The following PDLIM3 variants were observed in gnomAD, a reference collection of about 807,000 sequenced individuals.
The protein encoded by PDLIM3 is PDZ and LIM domain protein 3.
PDLIM3 carries 36 observed loss-of-function variants against 37.3 expected under a neutral mutation model. That is an observed-to-expected ratio of 0.97 (90% CI 0.74 to 1.28). PDLIM3 has a LOEUF of 1.28. Among genes scored for constraint, PDLIM3 ranks in the 50% most tolerant of loss-of-function variants. PDLIM3 has a pLI of 0.00. For synonymous variants in PDLIM3, 174 were observed against 182.4 expected (o/e 0.95, Z 0.37); for missense variants, 454 against 485.0 (o/e 0.94, Z 0.60).
intron 1 of PDLIM3, among the ~76,000 whole-genome samples, chr4:185,534,709 G>C (rs1208582116): frequency 6.6e-6 from 1 of 152,220 alleles, no homozygotes; most frequent in Non-Finnish European, 1.5e-5. Context: ...TTAGAAGTTG[G>C]TAATTCCTAA....
At position 185,535,400 on chromosome 4, in the gene PDLIM3, G is replaced by A. The variant is rs1194638169; in HGVS notation, c.35C>T (p.Pro12Leu). Residue 12 changes from proline to leucine, a missense_variant, in exon 1 of 8, where the codon CCC becomes CTC. Physicochemically the swap from Pro to Leu is moderately conservative, Grantham distance 98. Transcript: ENST00000284767. ...GCCCCCTGAGAGCCTGAAGCCCCAG[G>A]GCGCAGGGCCCGGGAGGATCACCGT... ...PQTVILPGPA[P>L]WGFRLSGGID... The A allele has an allele frequency of 6.2e-7, 1 of 1,607,522 alleles. No individual in the cohort carries two copies. Among genetic ancestry groups the A allele is most frequent in the Non-Finnish European group, 8.5e-7 (1 of 1,177,366 alleles).
chr4:185,507,794 A>G (rs2095700104), intron 5 of PDLIM3, among the ~76,000 whole-genome samples: 1 of 152,288 alleles, frequency 6.6e-6, no homozygotes, highest in South Asian at 2.1e-4. Context: ...CACAATAAAC[A>G]TTGTAAATGA....
At position 185,506,671 on chromosome 4, in the gene PDLIM3, G is replaced by A. The variant is rs773926861; in HGVS notation, c.663-19C>T. On this transcript the variant is annotated intron_variant, in intron 5 of 7. Transcript: ENST00000284767. ...GGGCTCGCTGAAACACAGGCACGGC[G>A]GGGAGCATCGTCAGGTGCTGGGAGG... is the stretch of plus-strand genomic sequence containing the variant. The A allele has an allele frequency of 8.7e-6, 14 of 1,601,004 alleles. No homozygotes were observed. Among genetic ancestry groups the A allele is most frequent in the Non-Finnish European group, 9.3e-6 (11 of 1,179,560 alleles).
At chr4:185,530,060 A>G (rs1240304864) in intron 1 of PDLIM3, among the ~76,000 whole-genome samples, 1 of 152,184 alleles carries the variant, frequency 6.6e-6, no homozygotes, top group African/African-American at 2.4e-5. Context: ...AGGGGTTAGA[A>G]GCCCATCTAA....
Position 185,523,425 on chromosome 4 carries a change from A to G in PDLIM3, c.267T>C (p.Ser89=), listed in dbSNP as rs753421587. 1 of 1,605,700 alleles carries G rather than the reference A, an allele frequency of 6.2e-7. No homozygotes were observed. ...KIDRGETHLW[S]PQVSEDGKAH... is the part of the protein sequence containing the mutation. The stretch of plus-strand genomic sequence containing the variant: ...CTTTCCCATCTTCAGATACTTGTGG[A>G]GACCATAAGTGAGTTTCTCCCCTGG... The change falls in exon 3 of 8, where the codon TCT becomes TCC. Residue 89 remains serine (S), a synonymous_variant. Transcript: ENST00000284767.
intron 6 of PDLIM3, among the ~76,000 whole-genome samples, chr4:185,505,563 G>T (rs113773531): frequency 6.6e-6 from 1 of 151,720 alleles, no homozygotes; most frequent in East Asian, 1.9e-4. Context: ...AGAGGTTGCA[G>T]TGAGCCAAGA....
chr4:185,502,261 G>C lies in PDLIM3; in HGVS notation c.*33C>G. 1 of 1,601,984 alleles carries C rather than the reference G, an allele frequency of 6.2e-7. No homozygotes were observed. Among genetic ancestry groups the C allele is most frequent in the South Asian group, 1.1e-5 (1 of 90,826 alleles). ...TCTTCTCGTGTAAGTGCGCGTGGGTGGGTGCGTGCGTGCGTGCCACGCCTG... is the reference window on the plus strand; with the variant it reads ...TCTTCTCGTGTAAGTGCGCGTGGGTCGGTGCGTGCGTGCGTGCCACGCCTG... On this transcript the variant is annotated 3_prime_UTR_variant, in exon 8 of 8. Transcript: ENST00000284767.
At chr4:185,513,177 G>C (rs571023888) in intron 4 of PDLIM3, 31 of 985,252 alleles carry the variant, frequency 3.1e-5, no homozygotes, top group African/African-American at 1.4e-4. Flanking sequence ...CGTTCTAGGG[G>C]GGGGAAGATG....
intron 4 of PDLIM3, chr4:185,513,941 C>G: frequency 8.2e-7 from 1 of 1,219,372 alleles, no homozygotes; most frequent in Non-Finnish European, 1.0e-6. Flanking sequence ...CAGGGCTTTC[C>G]TGACCTGGGA....
At chr4:185,510,550 T>G (rs551689804) in intron 4 of PDLIM3, among the ~76,000 whole-genome samples, 4 of 152,208 alleles carry the variant, frequency 2.6e-5, no homozygotes, top group Non-Finnish European at 5.9e-5. Context: ...TTGTATACAT[T>G]CATGGCAAAT....
In PDLIM3 at chr4:185,523,451, A is replaced by G; in HGVS notation, c.246-5T>C. 6.4e-7 allele frequency: 1 copy of G among 1,557,660 alleles called. No homozygotes were observed. Among genetic ancestry groups the G allele is most frequent in the Non-Finnish European group, 8.9e-7 (1 of 1,129,840 alleles). ...GACCATAAGTGAGTTTCTCCCCTGGAAATAAAATAAAATTTGTAAACTTCA... is the reference window on the plus strand; with the variant it reads ...GACCATAAGTGAGTTTCTCCCCTGGGAATAAAATAAAATTTGTAAACTTCA... On this transcript the variant is annotated splice_region_variant and splice_polypyrimidine_tract_variant and intron_variant, in intron 2 of 7. Coordinates refer to ENST00000284767, the MANE Select transcript of PDLIM3 (RefSeq NM_014476.6).
At chr4:185,505,395 G>A (rs928668669) in intron 6 of PDLIM3, among the ~76,000 whole-genome samples, 5 of 152,162 alleles carry the variant, frequency 3.3e-5, no homozygotes, top group South Asian at 2.1e-4. Flanking sequence ...AGGCCGAGGC[G>A]GGTGGACCAC....
At chr4:185,524,133 G>C (rs2095728491) in intron 2 of PDLIM3, among the ~76,000 whole-genome samples, 1 of 152,096 alleles carries the variant, frequency 6.6e-6, no homozygotes. Context: ...AGAAGACAGT[G>C]AGTGATCTGC....
intron 7 of PDLIM3, 38 bp from the exon 8 acceptor site, chr4:185,502,521 C>G: frequency 1.9e-6 from 3 of 1,595,092 alleles, no homozygotes; most frequent in Non-Finnish European, 2.6e-6. Context: ...TAAAAAACCA[C>G]AGAGCAAAAA....
In PDLIM3 at chr4:185,518,502, T is replaced by A. The variant is rs138076266; in HGVS notation, c.331-4165A>T. ...TATGTGTATATAAAATCAAATCATA[T>A]ATATATGAAAAAATGGTGGGCATAT... On this transcript the variant is annotated intron_variant, in intron 3 of 7. Transcript: ENST00000284767. Among the ~76,000 whole-genome samples, 48 of 152,136 alleles carry A rather than the reference T, an allele frequency of 3.2e-4. No individual in the cohort carries two copies. In the East Asian group the frequency reaches 8.3e-3, roughly 26 times the overall value.
At chr4:185,535,228 C>T (rs1351342745) in intron 1 of PDLIM3, 114 bp downstream of exon 1, 1 of 934,206 alleles carries the variant, frequency 1.1e-6, no homozygotes, top group Non-Finnish European at 1.6e-6. Flanking sequence ...AGCGCCCCGT[C>T]CGCCCGCCCT....
Position 185,504,572 on chromosome 4 carries a change from C to T in PDLIM3, c.808G>A (p.Gly270Arg). The change falls in exon 7 of 8, where the codon GGA becomes AGA. Residue 270 changes from glycine to arginine, a missense_variant. Gly to Arg is a moderately radical substitution (Grantham distance 125). Coordinates refer to ENST00000284767, the MANE Select transcript of PDLIM3 (RefSeq NM_014476.6). This position sits in a 1 kb window ranked among gnomAD's most constrained non-coding sequence, Gnocchi z 4.7. ...VDDGSDDRPAGTRSVRAPVTK... is the reference protein window; with the variant it reads ...VDDGSDDRPARTRSVRAPVTK... The stretch of plus-strand genomic sequence containing the variant: ...ACCGGAGCTCTCACACTCCGCGTTC[C>T]AGCCGGACGGTCATCTGAAAAACAA... 6.2e-7 allele frequency: 1 copy of T among 1,614,004 alleles called. No individual in the cohort carries two copies. The highest frequency in any genetic ancestry group is 8.5e-7 in the Non-Finnish European group (1 of 1,179,910).
chr4:185,528,831 C>T (rs1057015460), intron 1 of PDLIM3, among the ~76,000 whole-genome samples: 3 of 152,188 alleles, frequency 2.0e-5, no homozygotes, highest in Non-Finnish European at 4.4e-5. Flanking sequence ...TCAAGTTCAG[C>T]GAGCCCAGTG....
At chr4:185,513,128 T>C in intron 4 of PDLIM3, 1 of 984,108 alleles carries the variant, frequency 1.0e-6, no homozygotes, top group Non-Finnish European at 1.2e-6. Flanking sequence ...GGTATAATGT[T>C]GAGCCAGTCA....
Sources: gnomAD v4.1 joint callset for allele counts (sites outside exome capture counted in the v4.1 genomes callset) on GRCh38, gnomAD v4.1.1 for gene constraint, Gnocchi (gnomAD v3.1) non-coding constraint, MANE v1.5 for transcripts, NCBI Gene and HGNC (gene_info 2026-07-23, HGNC 2026-07-21) for gene names.